The following PVT1 variants were observed in gnomAD, a reference collection of about 807,000 sequenced individuals.
The protein encoded by PVT1 is Pvt1 oncogene, also known as CXCR4/PVT1 fusion.
chr8:127,864,610 C>A (rs573284506), intron 2 of PVT1, among the ~76,000 whole-genome samples: 1 of 151,962 alleles, frequency 6.6e-6, no homozygotes, highest in Non-Finnish European at 1.5e-5. Context: ...TGCAGTGGCG[C>A]GATCTCGGCT....
intron 3 of PVT1, among the ~76,000 whole-genome samples, chr8:127,971,876 A>T (rs1388373072): frequency 6.6e-6 from 1 of 152,058 alleles, no homozygotes; most frequent in Admixed American, 6.5e-5. Context: ...TTAGAAATGG[A>T]GAAAGGAAGA....
At chr8:128,064,139 C>T (rs1265047081) in intron 4 of PVT1, among the ~76,000 whole-genome samples, 1 of 152,162 alleles carries the variant, frequency 6.6e-6, no homozygotes, top group Non-Finnish European at 1.5e-5. Flanking sequence ...CAGTACCCGT[C>T]CCTGGCAGAA....
At chr8:128,092,402 A>G (rs1814368414) in intron 5 of PVT1, among the ~76,000 whole-genome samples, 1 of 152,102 alleles carries the variant, frequency 6.6e-6, no homozygotes. Flanking sequence ...CCCAGTGTCC[A>G]TACTATTAGG....
chr8:127,875,048 G>A (rs1815390798), intron 2 of PVT1, among the ~76,000 whole-genome samples: 1 of 152,096 alleles, frequency 6.6e-6, no homozygotes, highest in Non-Finnish European at 1.5e-5. Context: ...TAGAGTGGAG[G>A]AACGTCCTCC....
chr8:127,984,966 C>T (rs1354371763), intron 3 of PVT1, among the ~76,000 whole-genome samples: 1 of 138,436 alleles, frequency 7.2e-6, no homozygotes, highest in Admixed American at 7.2e-5. Flanking sequence ...CTTCCTTCCT[C>T]CCTCCTTCCT....
chr8:127,859,643 A>T (rs909571566), intron 2 of PVT1, among the ~76,000 whole-genome samples: 3 of 152,074 alleles, frequency 2.0e-5, no homozygotes, highest in Admixed American at 2.0e-4. Flanking sequence ...GAATCCCGTC[A>T]TGGCTTCTGT....
At chr8:127,813,638 G>T (rs1313614450) in intron 2 of PVT1, among the ~76,000 whole-genome samples, 4 of 152,110 alleles carry the variant, frequency 2.6e-5, no homozygotes, top group African/African-American at 9.7e-5. Context: ...TTCAGAGCCT[G>T]GTGCCTCAGT....
chr8:127,815,525 A>G (rs914004252), intron 2 of PVT1, among the ~76,000 whole-genome samples: 1 of 152,116 alleles, frequency 6.6e-6, no homozygotes, highest in Non-Finnish European at 1.5e-5. Flanking sequence ...CTGCTTTTAC[A>G]TGAGTTCTTG....
intron 2 of PVT1, among the ~76,000 whole-genome samples, chr8:127,839,064 G>A (rs1395478008): frequency 6.6e-6 from 1 of 152,200 alleles, no homozygotes; most frequent in Non-Finnish European, 1.5e-5. Context: ...TGTGTAGTGA[G>A]TAGGCTGTCA....
At chr8:127,880,266 A>G (rs2129784671) in intron 2 of PVT1, among the ~76,000 whole-genome samples, 1 of 152,238 alleles carries the variant, frequency 6.6e-6, no homozygotes, top group South Asian at 2.1e-4. Context: ...GTGTAGCTGG[A>G]ATTAATCACC....
chr8:127,958,220 C>CT (rs944850916), intron 3 of PVT1, among the ~76,000 whole-genome samples: 5 of 151,956 alleles, frequency 3.3e-5, no homozygotes, highest in African/African-American at 7.3e-5. Context: ...TTTTTCTCTT[C>CT]TTTTTTTGTT....
intron 2 of PVT1, among the ~76,000 whole-genome samples, chr8:127,884,304 G>A (rs575012720): frequency 2.6e-5 from 4 of 152,270 alleles, no homozygotes; most frequent in South Asian, 4.2e-4. Context: ...CATGTGGTAC[G>A]TGCATTTTCA....
chr8:127,916,119 C>T (rs1815982031), intron 3 of PVT1, among the ~76,000 whole-genome samples: 2 of 152,214 alleles, frequency 1.3e-5, no homozygotes, highest in African/African-American at 4.8e-5. Flanking sequence ...GGATGAGTGC[C>T]TTCAACCCTC....
chr8:127,829,713 C>T (rs902859721), intron 2 of PVT1, among the ~76,000 whole-genome samples: 41 of 152,162 alleles, frequency 2.7e-4, no homozygotes, highest in African/African-American at 8.4e-4. Flanking sequence ...TTTACCTTTG[C>T]GGGTTGGCAC....
intron 5 of PVT1, among the ~76,000 whole-genome samples, chr8:128,080,836 CG>C (rs1239464368): frequency 7.9e-5 from 12 of 152,122 alleles, no homozygotes; most frequent in African/African-American, 2.9e-4. Context: ...AGAGTTTTAT[CG>C]TTTTAAATTT....
At chr8:127,849,486 C>G (rs549816959) in intron 2 of PVT1, among the ~76,000 whole-genome samples, 1 of 152,338 alleles carries the variant, frequency 6.6e-6, no homozygotes, top group Admixed American at 6.5e-5. Flanking sequence ...CTATGAAAAA[C>G]TCCTAGGGCC....
At chr8:127,994,545 C>T (rs1186654147) in intron 4 of PVT1, among the ~76,000 whole-genome samples, 2 of 152,194 alleles carry the variant, frequency 1.3e-5, no homozygotes, top group Non-Finnish European at 2.9e-5. Flanking sequence ...AGAAACAGGA[C>T]CAATAGAACA....
chr8:127,874,646 C>T (rs1815385741), intron 2 of PVT1, among the ~76,000 whole-genome samples: 1 of 152,058 alleles, frequency 6.6e-6, no homozygotes, highest in Non-Finnish European at 1.5e-5. Flanking sequence ...AAATGTGCAC[C>T]GTGAATGTTA....
At chr8:127,817,546 T>TATATATATAC (rs1280832628) in intron 2 of PVT1, among the ~76,000 whole-genome samples, 1,115 of 89,846 alleles carry the variant, frequency 0.012, 4 homozygotes, top group African/African-American at 0.017. Flanking sequence ...TATATATATA[T>TATATATATAC]ACACACACAC....
Sources: allele counts gnomAD v4.1 joint callset (sites outside exome capture counted in the v4.1 genomes callset), GRCh38; gene constraint gnomAD v4.1.1; transcripts MANE v1.5; gene names NCBI Gene and HGNC (gene_info 2026-07-23, HGNC 2026-07-21).